MTERF4: variants seen among roughly 807,000 people sequenced by gnomAD.
MTERF4 encodes mitochondrial transcription termination factor 4.
In MTERF4, 17 loss-of-function variants were observed where a neutral mutation model predicts 22.5. The observed-to-expected ratio is 0.75, with a 90% confidence interval of 0.52 to 1.13. MTERF4 has a LOEUF of 1.13. Among genes scored for constraint, MTERF4 ranks in the 50% most tolerant of loss-of-function variants. The probability of loss-of-function intolerance (pLI) is 0.00; values close to 1 mark genes in which losing one functional copy is unlikely to be tolerated. For synonymous variants in MTERF4, 165 were observed against 175.3 expected, an observed-to-expected ratio of 0.94 and a Z score of 0.47; for missense variants, 420 against 466.8, an observed-to-expected ratio of 0.90 and a Z score of 0.92.
chr2:241,080,611 G>A (rs1004992345), intron 4 of MTERF4, among the ~76,000 whole-genome samples: 8 of 152,228 alleles, frequency 5.3e-5, no homozygotes, highest in South Asian at 2.1e-4. Context: ...TCCTGAGGGC[G>A]GGGAGCCAAC....
chr2:241,077,324 A>G (rs2063074670), intron 4 of MTERF4, among the ~76,000 whole-genome samples: 1 of 152,228 alleles, frequency 6.6e-6, no homozygotes, highest in Admixed American at 6.5e-5. Flanking sequence ...AACTCTTAGA[A>G]GAAAACATAG....
At chr2:241,060,825 G>A in the MTERF4 span, among the ~76,000 whole-genome samples, 37,169 of 151,870 alleles carry the variant, frequency 0.24, 4,933 homozygotes, top group Middle Eastern at 0.33. Context: ...CAGCTACTCA[G>A]GAGGCTAGGG....
At chr2:241,090,632 C>T (rs554864977), downstream of MTERF4, among the ~76,000 whole-genome samples, 3 of 152,198 alleles carry the variant, frequency 2.0e-5, no homozygotes, top group South Asian at 2.1e-4. Flanking sequence ...TTTGGGAGGC[C>T]GAGGCCGGCG....
downstream of MTERF4, among the ~76,000 whole-genome samples, chr2:241,089,712 G>A (rs1196553802): frequency 6.6e-6 from 1 of 152,250 alleles, no homozygotes; most frequent in African/African-American, 2.4e-5. Context: ...CTACAGCCGA[G>A]CATCACTTAA....
At position 241,097,440 on chromosome 2, in the gene MTERF4, CA is replaced by C; in HGVS notation, c.521-14del. 1 of 1,595,996 alleles carries C rather than the reference CA, an allele frequency of 6.3e-7. No individual in the cohort carries two copies. Among genetic ancestry groups the C allele is most frequent in the Non-Finnish European group, 8.5e-7 (1 of 1,171,856 alleles). On this transcript the variant is annotated splice_polypyrimidine_tract_variant and intron_variant, in intron 2 of 3. Transcript: ENST00000391980. The stretch of plus-strand genomic sequence containing the variant: ...CTCTTTAATTTCCCTGCAGAACATT[CA>C]AAAAAGGCAAGCATATAATTTCAGG...
At chr2:241,044,132 A>C in the MTERF4 span, among the ~76,000 whole-genome samples, 1 of 152,232 alleles carries the variant, frequency 6.6e-6, no homozygotes, top group African/African-American at 2.4e-5. Context: ...AGAAGGCAGG[A>C]AGAGAGGAAA....
the MTERF4 span, chr2:241,052,163 G>A: frequency 6.8e-6 from 11 of 1,610,558 alleles, no homozygotes; most frequent in African/African-American, 1.3e-4. Context: ...GATAGGTAAG[G>A]TGGGTGGGAG....
chr2:241,058,882 G>A, the MTERF4 span, among the ~76,000 whole-genome samples: 10 of 152,112 alleles, frequency 6.6e-5, no homozygotes, highest in African/African-American at 1.7e-4. Context: ...CCTGGGAGGC[G>A]GAGCTTGCAG....
rs749954233 is a variant in MTERF4, at chr2:241,097,178, C to T, written c.705+65G>A. On this transcript the variant is annotated intron_variant, in intron 3 of 3. Transcript: ENST00000391980. ...TACCAGTCATTCTCACCTGAAACTA[C>T]GCTAATCCCATTACCAGTCATTCTC... 51 of 1,569,892 alleles carry T rather than the reference C, an allele frequency of 3.2e-5. No homozygotes were observed. The Middle Eastern group carries it at 6.7e-4, about 20-fold the overall frequency.
In MTERF4 at chr2:241,096,406, T is replaced by C; in HGVS notation, c.738A>G (p.Pro246=). The change falls in exon 4 of 4, where the codon CCA becomes CCG. Residue 246 remains proline, a synonymous_variant. Transcript: ENST00000391980. The surrounding 1 kb of genome is among the most constrained non-coding windows in gnomAD (Gnocchi z 5.1). The part of the protein sequence containing the change: ...YAYFRMGIKH[P]DIVKSEYLQY... ...GCAAGTACTCACTCTTTACAATGTC[T>C]GGATGCTTAATTCCCATCCTGAAGT... 1 of 1,614,210 alleles carries C rather than the reference T, an allele frequency of 6.2e-7. No individual in the cohort carries two copies. The highest frequency in any genetic ancestry group is 8.5e-7 in the Non-Finnish European group (1 of 1,180,042).
At chr2:241,055,377 A>G in the MTERF4 span, among the ~76,000 whole-genome samples, 1 of 152,224 alleles carries the variant, frequency 6.6e-6, no homozygotes, top group African/African-American at 2.4e-5. Flanking sequence ...TAACTTCCAG[A>G]GGGAAAATCA....
intron 2 of MTERF4, 70 bp from the exon 3 acceptor site, chr2:241,097,497 C>T (rs2064508180): frequency 6.9e-7 from 1 of 1,454,254 alleles, no homozygotes; most frequent in Non-Finnish European, 9.4e-7. Context: ...GCTAGCTGCA[C>T]CCAATTTAAG....
chr2:241,065,083 G>A, the MTERF4 span: 2 of 851,174 alleles, frequency 2.3e-6, no homozygotes, highest in Non-Finnish European at 3.6e-6. Context: ...TGAGGAACAG[G>A]GAGGGGATAA....
the MTERF4 span, chr2:241,051,825 G>A: frequency 6.4e-7 from 1 of 1,562,190 alleles, no homozygotes; most frequent in Admixed American, 1.9e-5. This position sits in a 1 kb window ranked among gnomAD's most constrained non-coding sequence, Gnocchi z 4.7. Context: ...CACTGCAGCT[G>A]CCCCTACCGC....
At position 241,098,281 on chromosome 2, in the gene MTERF4, T is replaced by G. The variant is rs7598033; in HGVS notation, c.521-854A>C. 9.7e-3 allele frequency among the ~76,000 whole-genome samples: 1,472 copies of G among 152,362 alleles called. 20 individuals carry two copies. Among genetic ancestry groups the G allele is most frequent in the African/African-American group, 0.033 (1,359 of 41,584 alleles). On this transcript the variant is annotated intron_variant, in intron 2 of 3. Coordinates refer to ENST00000391980, the MANE Select transcript of MTERF4 (RefSeq NM_182501.4). ...ATATATTTAGACTTTTAGATTACAC[T>G]GTAAGAATCTGTTAAGAAAAATATA... is the stretch of plus-strand genomic sequence containing the variant.
chr2:241,060,841 A>C, the MTERF4 span, among the ~76,000 whole-genome samples: 1 of 152,122 alleles, frequency 6.6e-6, no homozygotes, highest in African/African-American at 2.4e-5. Flanking sequence ...TAGGGTGGGA[A>C]GATCACTTGA....
the MTERF4 span, chr2:241,049,150 G>T: frequency 6.3e-7 from 1 of 1,598,706 alleles, no homozygotes; most frequent in East Asian, 2.3e-5. Flanking sequence ...GTAGCTCGGG[G>T]ACGAGCCTGC....
At chr2:241,047,161 A>G in the MTERF4 span, among the ~76,000 whole-genome samples, 1 of 107,704 alleles carries the variant, frequency 9.3e-6, no homozygotes, top group Admixed American at 9.9e-5. Context: ...AAAAAAAAAA[A>G]AAAAAAAAGT....
the MTERF4 span, chr2:241,064,705 G>A: frequency 3.3e-6 from 2 of 606,000 alleles, no homozygotes; most frequent in South Asian, 2.1e-5. This position sits in a 1 kb window ranked among gnomAD's most constrained non-coding sequence, Gnocchi z 7.0. Context: ...CAGAACCGAA[G>A]GGAGGCAGTA....
Sources: gnomAD v4.1 joint callset for allele counts (sites outside exome capture counted in the v4.1 genomes callset) on GRCh38, gnomAD v4.1.1 for gene constraint, Gnocchi (gnomAD v3.1) non-coding constraint, MANE v1.5 for transcripts, NCBI Gene and HGNC (gene_info 2026-07-23, HGNC 2026-07-21) for gene names.